TRPV3: variants seen among roughly 807,000 people sequenced by gnomAD.
TRPV3 encodes the protein transient receptor potential cation channel subfamily V member 3, also known as VRL-3.
Under a neutral mutation model 87.1 loss-of-function variants are expected in TRPV3, and 88 were observed. The observed-to-expected ratio is 1.01, with a 90% confidence interval of 0.85 to 1.21. The LOEUF (loss-of-function observed/expected upper bound fraction) is 1.21, where lower values mean the gene tolerates loss of function less well. TRPV3 is among the 50% of genes most tolerant of loss of function. The pLI, the probability that TRPV3 is intolerant of heterozygous loss-of-function variation, is 0.00. For synonymous variants in TRPV3, 438 were observed against 423.3 expected, an observed-to-expected ratio of 1.03 and a Z score of -0.43; for missense variants, 1,054 against 1,030.1, an observed-to-expected ratio of 1.02 and a Z score of -0.32.
chr17:3,545,303 C>T (rs376121651), intron 2 of TRPV3, 32 bp from the exon 3 acceptor site: 30 of 1,543,856 alleles, frequency 1.9e-5, no homozygotes, highest in African/African-American at 8.2e-5. Flanking sequence ...CTGTTAGGGC[C>T]GAGCCAGGCA....
chr17:3,531,210 C>G (rs406766), intron 8 of TRPV3, among the ~76,000 whole-genome samples: 1 of 152,066 alleles, frequency 6.6e-6, no homozygotes, highest in Admixed American at 6.5e-5. Context: ...GAGCTGCTGT[C>G]TCTGGCTTCC....
At chr17:3,550,555 C>G (rs1019994496) in intron 2 of TRPV3, among the ~76,000 whole-genome samples, 2 of 118,020 alleles carry the variant, frequency 1.7e-5, no homozygotes, top group East Asian at 2.8e-4. Flanking sequence ...GATGGAGTCT[C>G]GCTCTGTCGC....
intron 8 of TRPV3, among the ~76,000 whole-genome samples, chr17:3,532,027 A>T (rs2150791421): frequency 6.6e-6 from 1 of 152,234 alleles, no homozygotes; most frequent in Non-Finnish European, 1.5e-5. Context: ...ACACGCTTGG[A>T]CCCCAGAATC....
chr17:3,527,115 T>C (rs2074307193), intron 11 of TRPV3, among the ~76,000 whole-genome samples, 188 bp from the exon 12 acceptor site: 1 of 152,030 alleles, frequency 6.6e-6, no homozygotes, highest in South Asian at 2.1e-4. Flanking sequence ...ACGGTGAAGG[T>C]GAACGCTCCC....
chr17:3,523,718 CAA>C (rs201681037), intron 13 of TRPV3, among the ~76,000 whole-genome samples: 101 of 78,550 alleles, frequency 1.3e-3, no homozygotes, highest in African/African-American at 3.5e-3. Flanking sequence ...ACTTGGTCTC[CAA>C]AAAAAAAAAA....
At chr17:3,553,044 T>C (rs149397213) in intron 2 of TRPV3, 1 of 152,472 alleles carries the variant, frequency 6.6e-6, no homozygotes, top group East Asian at 1.9e-4. Flanking sequence ...CAACTGAATT[T>C]GGCTCATTCC....
intron 13 of TRPV3, 57 bp from the exon 14 acceptor site, chr17:3,521,096 C>G (rs1414720033): frequency 1.0e-5 from 11 of 1,080,386 alleles, no homozygotes; most frequent in Non-Finnish European, 1.5e-5. Flanking sequence ...TCACGGCACC[C>G]TGATCTTCCT....
At chr17:3,537,949 A>G (rs919693001) in intron 6 of TRPV3, among the ~76,000 whole-genome samples, 1 of 150,008 alleles carries the variant, frequency 6.7e-6, no homozygotes, top group Non-Finnish European at 1.5e-5. Context: ...CTGTAATCCC[A>G]GCACTTTGGG....
At chr17:3,531,830 C>A (rs930293616) in intron 8 of TRPV3, among the ~76,000 whole-genome samples, 1 of 152,188 alleles carries the variant, frequency 6.6e-6, no homozygotes, top group Non-Finnish European at 1.5e-5. Flanking sequence ...TCAAAAGGCC[C>A]CTTGTGGGTC....
chr17:3,523,048 T>C (rs930893620), intron 13 of TRPV3, among the ~76,000 whole-genome samples: 2 of 152,134 alleles, frequency 1.3e-5, no homozygotes, highest in Admixed American at 1.3e-4. Flanking sequence ...ATTTACATCA[T>C]GAAAATTGGT....
rs781410885 is a variant in TRPV3, at chr17:3,532,943, G to C, written c.785-6C>G. The C allele has an allele frequency of 6.2e-7, 1 of 1,613,166 alleles. No individual in the cohort carries two copies. The highest frequency in any genetic ancestry group is 1.1e-5 in the South Asian group (1 of 91,064). ...CAGGGCCAGGGGCGTCTCACCTGGG[G>C]GATGAGCGCACTGAAGCTTGGTTCT... On this transcript the variant is annotated splice_polypyrimidine_tract_variant and splice_region_variant and intron_variant, in intron 7 of 17. Coordinates refer to ENST00000576742, the MANE Select transcript of TRPV3 (RefSeq NM_145068.4).
chr17:3,517,725 G>A (rs1433145273), intron 15 of TRPV3, among the ~76,000 whole-genome samples: 2 of 151,534 alleles, frequency 1.3e-5, no homozygotes, highest in African/African-American at 4.8e-5. Flanking sequence ...CTGCCTTCCA[G>A]GACCACAGAA....
At chr17:3,523,286 A>AT (rs2074263595) in intron 13 of TRPV3, among the ~76,000 whole-genome samples, 1 of 152,244 alleles carries the variant, frequency 6.6e-6, no homozygotes, top group African/African-American at 2.4e-5. Flanking sequence ...TTGATAAACA[A>AT]GTAAAGTTCA....
Position 3,524,217 on chromosome 17 carries a change from T to G in TRPV3, c.1724A>C (p.Tyr575Ser). The G allele has an allele frequency of 6.2e-7, 1 of 1,614,176 alleles. No homozygotes were observed. The highest frequency in any genetic ancestry group is 8.5e-7 in the Non-Finnish European group (1 of 1,180,030). ...YTRGFQSMGM[Y>S]SVMIQKVILH... ...ACGCACCTTCTGGATCATGACGCTGTACATGCCCATGGACTGGAAACCCCG... is the reference window on the plus strand; with the variant it reads ...ACGCACCTTCTGGATCATGACGCTGGACATGCCCATGGACTGGAAACCCCG... Residue 575 changes from tyrosine to serine, a missense_variant, in exon 13 of 18, where the codon TAC becomes TCC. Transcript: ENST00000576742.
chr17:3,522,390 C>A (rs1349985691), intron 13 of TRPV3, among the ~76,000 whole-genome samples: 2 of 152,282 alleles, frequency 1.3e-5, no homozygotes, highest in South Asian at 2.1e-4. Flanking sequence ...AAATATTACA[C>A]ACAATACAAT....
chr17:3,551,244 G>C (rs2074570897), intron 2 of TRPV3, among the ~76,000 whole-genome samples: 1 of 152,242 alleles, frequency 6.6e-6, no homozygotes, highest in Admixed American at 6.5e-5. Flanking sequence ...CGCAGGGCTG[G>C]GGAGGACCCC....
At chr17:3,535,120 G>A (rs2074386538) in intron 7 of TRPV3, among the ~76,000 whole-genome samples, 4 of 151,498 alleles carry the variant, frequency 2.6e-5, no homozygotes, top group African/African-American at 7.3e-5. Flanking sequence ...AGCTCAAAGC[G>A]GGGTGGCCCC....
intron 2 of TRPV3, among the ~76,000 whole-genome samples, chr17:3,549,047 A>T (rs569838407): frequency 6.6e-6 from 1 of 152,320 alleles, no homozygotes; most frequent in South Asian, 2.1e-4. Flanking sequence ...TCGCTCCGCA[A>T]CAACAGCCTG....
chr17:3,531,385 CAG>C (rs2074348073), intron 8 of TRPV3, among the ~76,000 whole-genome samples: 1 of 152,180 alleles, frequency 6.6e-6, no homozygotes, highest in Non-Finnish European at 1.5e-5. Flanking sequence ...AGAGCCCAGG[CAG>C]AGAGCTTCTA....
Sources: gnomAD v4.1 joint callset for allele counts (sites outside exome capture counted in the v4.1 genomes callset) on GRCh38, gnomAD v4.1.1 for gene constraint, MANE v1.5 for transcripts, NCBI Gene and HGNC (gene_info 2026-07-23, HGNC 2026-07-21) for gene names.